MAGI1: variants seen among roughly 807,000 people sequenced by gnomAD.
The protein encoded by MAGI1 is membrane associated guanylate kinase, WW and PDZ domain containing 1.
MAGI1 carries 58 observed loss-of-function variants against 139.9 expected under a neutral mutation model. That is an observed-to-expected ratio of 0.41 (90% CI 0.34 to 0.52). The LOEUF is 0.52. Among genes scored for constraint, MAGI1 ranks in the 20% least tolerant of loss-of-function variants. The pLI is 0.12. For missense variants in MAGI1, 1,874 were observed against 1,901.6 expected, an observed-to-expected ratio of 0.99 and a Z score of 0.27; for synonymous variants, 812 against 737.9, an observed-to-expected ratio of 1.10 and a Z score of -1.63.
intron 17 of MAGI1, 197 bp downstream of exon 17, chr3:65,379,064 T>A: frequency 1.8e-6 from 2 of 1,142,270 alleles, no homozygotes; most frequent in Non-Finnish European, 2.5e-6. Flanking sequence ...GTTGAAAGGG[T>A]TGAACAAATA....
intron 1 of MAGI1, among the ~76,000 whole-genome samples, chr3:65,770,335 T>C (rs2037846856): frequency 6.6e-6 from 1 of 152,176 alleles, no homozygotes; most frequent in South Asian, 2.1e-4. Flanking sequence ...GTATGAAAAA[T>C]GCTACCATAT....
intron 1 of MAGI1, among the ~76,000 whole-genome samples, chr3:65,738,831 T>C (rs1452611350): frequency 6.6e-6 from 1 of 152,230 alleles, no homozygotes; most frequent in African/African-American, 2.4e-5. Flanking sequence ...AAACATGCTA[T>C]AAGCAGATGT....
At chr3:65,514,164 G>A (rs2077739484) in intron 2 of MAGI1, among the ~76,000 whole-genome samples, 1 of 150,994 alleles carries the variant, frequency 6.6e-6, no homozygotes, top group Admixed American at 6.6e-5. Flanking sequence ...AATTCAAGAT[G>A]GATTAAAGAT....
At chr3:65,598,018 G>A in intron 2 of MAGI1, 1 of 422,328 alleles carries the variant, frequency 2.4e-6, no homozygotes, top group South Asian at 1.7e-5. Context: ...AGAGGTGCTG[G>A]CAGCAGGAGC....
intron 1 of MAGI1, among the ~76,000 whole-genome samples, chr3:65,962,570 C>G (rs1560059600): frequency 6.6e-6 from 1 of 151,890 alleles, no homozygotes; most frequent in Non-Finnish European, 1.5e-5. Flanking sequence ...CGAGGTGGTT[C>G]ACGTCTGTAA....
At chr3:65,760,283 G>A (rs963332017) in intron 1 of MAGI1, among the ~76,000 whole-genome samples, 1 of 151,722 alleles carries the variant, frequency 6.6e-6, no homozygotes, top group Non-Finnish European at 1.5e-5. Context: ...ACTGCTCTAA[G>A]AGGCAGTTAC....
chr3:65,792,992 G>T (rs1335219100), intron 1 of MAGI1, among the ~76,000 whole-genome samples: 2 of 152,020 alleles, frequency 1.3e-5, no homozygotes, highest in Admixed American at 1.3e-4. Context: ...GAGAAATAGG[G>T]CATTTGAGTT....
chr3:65,653,681 T>C (rs565676019), intron 1 of MAGI1, among the ~76,000 whole-genome samples: 2 of 152,288 alleles, frequency 1.3e-5, no homozygotes, highest in Non-Finnish European at 1.5e-5. Context: ...AAGTTTCTCT[T>C]TGCATTTCTA....
At chr3:65,858,127 A>AAACG (rs146202107) in intron 1 of MAGI1, among the ~76,000 whole-genome samples, 35,429 of 151,916 alleles carry the variant, frequency 0.23, 4,665 homozygotes, top group Middle Eastern at 0.32. Context: ...ACAAACAAAC[A>AAACG]AAAATAATAT....
intron 1 of MAGI1, among the ~76,000 whole-genome samples, chr3:65,979,087 T>TCCC (rs1560076163): frequency 5.4e-4 from 5 of 9,266 alleles, no homozygotes; most frequent in East Asian, 0.011. Flanking sequence ...TTTTCTTTTC[T>TCCC]TCCCCCCCCC....
intron 1 of MAGI1, among the ~76,000 whole-genome samples, chr3:65,763,904 C>G (rs1198173638): frequency 6.6e-6 from 1 of 151,750 alleles, no homozygotes; most frequent in Non-Finnish European, 1.5e-5. Flanking sequence ...AACCCCATCT[C>G]TACAAATAAA....
chr3:65,479,781 GTTATT>G (rs1951143013), intron 3 of MAGI1, among the ~76,000 whole-genome samples: 1 of 151,992 alleles, frequency 6.6e-6, no homozygotes, highest in South Asian at 2.1e-4. Context: ...TTTTTTTAAA[GTTATT>G]TTAAAGATAA....
At chr3:65,594,668 C>T (rs903860379) in intron 2 of MAGI1, among the ~76,000 whole-genome samples, 13 of 151,982 alleles carry the variant, frequency 8.6e-5, no homozygotes, top group African/African-American at 3.1e-4. Flanking sequence ...TGATTATCAA[C>T]ATAAGAAATT....
At chr3:65,490,932 A>G (rs973684923) in intron 3 of MAGI1, among the ~76,000 whole-genome samples, 1 of 152,026 alleles carries the variant, frequency 6.6e-6, no homozygotes, top group African/African-American at 2.4e-5. Flanking sequence ...AAGGCTGAAG[A>G]ACGCTGTACA....
intron 6 of MAGI1, among the ~76,000 whole-genome samples, chr3:65,449,726 G>C (rs1575789185): frequency 6.6e-6 from 1 of 152,140 alleles, no homozygotes; most frequent in East Asian, 1.9e-4. Flanking sequence ...AGTGAGCAGA[G>C]ATCATGCCAC....
intron 6 of MAGI1, among the ~76,000 whole-genome samples, chr3:65,448,407 T>C (rs1948804778): frequency 1.3e-5 from 2 of 152,160 alleles, no homozygotes; most frequent in Admixed American, 1.3e-4. Context: ...ACAAAGCTGT[T>C]AGACCTTTCA....
At chr3:65,611,241 T>C (rs1027072480) in intron 2 of MAGI1, among the ~76,000 whole-genome samples, 3 of 141,664 alleles carry the variant, frequency 2.1e-5, no homozygotes, top group African/African-American at 7.6e-5. Context: ...GTATATACTA[T>C]ATATACTATA....
chr3:65,461,078 T>C (rs1293636567), intron 5 of MAGI1, among the ~76,000 whole-genome samples: 1 of 152,210 alleles, frequency 6.6e-6, no homozygotes. Context: ...ATGGAATTGC[T>C]GGGTCAAATG....
At chr3:65,568,390 A>G (rs1012885684) in intron 2 of MAGI1, among the ~76,000 whole-genome samples, 2 of 152,008 alleles carry the variant, frequency 1.3e-5, no homozygotes, top group African/African-American at 4.8e-5. Flanking sequence ...ATTCCTTGTT[A>G]TGGTTGATCA....
Sources: allele counts gnomAD v4.1 joint callset (sites outside exome capture counted in the v4.1 genomes callset), GRCh38; gene constraint gnomAD v4.1.1; transcripts MANE v1.5; gene names NCBI Gene and HGNC (gene_info 2026-07-23, HGNC 2026-07-21).